Variants in MCM3AP observed in about 807,000 individuals in gnomAD.
MCM3AP encodes the protein germinal-center associated nuclear protein.
In MCM3AP, 126 loss-of-function variants were observed where a neutral mutation model predicts 184.1. The ratio of observed to expected loss-of-function variants is 0.68; its 90% CI spans 0.59 to 0.79. MCM3AP has a LOEUF of 0.79. Ranked by LOEUF, MCM3AP falls within the 30% of genes least tolerant of loss-of-function variation. The pLI, the probability that MCM3AP is intolerant of heterozygous loss-of-function variation, is 0.00. For missense variants in MCM3AP, 2,496 were observed against 2,479.2 expected, an observed-to-expected ratio of 1.01 and a Z score of -0.14; for synonymous variants, 1,002 against 979.3, an observed-to-expected ratio of 1.02 and a Z score of -0.43.
At chr21:46,270,179 A>C (rs17176380) in intron 9 of MCM3AP, 1 of 399,950 alleles carries the variant, frequency 2.5e-6, no homozygotes, top group African/African-American at 2.1e-5. Flanking sequence ...TATTTGAACC[A>C]TGGAACAGTA....
chr21:46,281,408 T>A (rs1343281416), intron 2 of MCM3AP, among the ~76,000 whole-genome samples: 2 of 152,202 alleles, frequency 1.3e-5, no homozygotes, highest in Non-Finnish European at 2.9e-5. Context: ...GGATATTCAG[T>A]TTTGTCTGTA....
At chr21:46,254,089 C>A in intron 19 of MCM3AP, 1 of 369,626 alleles carries the variant, frequency 2.7e-6, no homozygotes, top group Non-Finnish European at 5.0e-6. Context: ...GCCTCCCCAG[C>A]CATGCTTCCT....
In MCM3AP at chr21:46,277,562, C is replaced by T. The variant is rs751955240; in HGVS notation, c.1823G>A (p.Arg608His). The T allele has an allele frequency of 2.5e-6, 4 of 1,598,424 alleles. No homozygotes were observed. Among genetic ancestry groups the T allele is most frequent in the South Asian group, 2.2e-5 (2 of 89,122 alleles). Residue 608 changes from arginine to histidine, a missense_variant, in exon 5 of 28, where the codon CGC becomes CAC. This residue lies in a region of MCM3AP where 130 missense variants were observed against 199.8 expected (regional missense o/e 0.65). Transcript: ENST00000291688. ...TVAETSKEKY[R>H]LLDQRDRIMR... The stretch of plus-strand genomic sequence containing the variant: ...GATCCTGTCTCTCTGGTCAAGCAGG[C>T]GGTACTTCTCCTTGGATGTCTCAGC...
chr21:46,281,101 C>T (rs970280975), intron 2 of MCM3AP, among the ~76,000 whole-genome samples: 8 of 152,162 alleles, frequency 5.3e-5, no homozygotes, highest in East Asian at 1.9e-4. Context: ...CCACCGCGCC[C>T]GGCCCCTTTT....
intron 20 of MCM3AP, chr21:46,247,771 A>G (rs1361509703): frequency 1.3e-5 from 2 of 152,204 alleles, no homozygotes; most frequent in African/African-American, 2.4e-5. Flanking sequence ...GTGTTTGACC[A>G]TATTACTATA....
intron 17 of MCM3AP, 187 bp downstream of exon 17, chr21:46,256,602 G>T: frequency 1.5e-6 from 1 of 666,404 alleles, no homozygotes; most frequent in Non-Finnish European, 2.5e-6. Flanking sequence ...CAAGTCACAT[G>T]TCCACAACTG....
At chr21:46,265,888 C>T in intron 11 of MCM3AP, 37 bp downstream of exon 11, 1 of 1,510,806 alleles carries the variant, frequency 6.6e-7, no homozygotes, top group South Asian at 1.4e-5. Flanking sequence ...TGGGAAAATG[C>T]AGCTAGTCCC....
At position 46,266,055 on chromosome 21, in the gene MCM3AP, G is replaced by A. The variant is rs538751262; in HGVS notation, c.2901C>T (p.Asn967=). 12 of 1,612,100 alleles carry A rather than the reference G, an allele frequency of 7.4e-6. No individual in the cohort carries two copies. Among genetic ancestry groups the A allele is most frequent in the East Asian group, 2.2e-5 (1 of 44,874 alleles). The change falls in exon 11 of 28, where the codon AAC becomes AAT. Residue 967 remains asparagine (N), a synonymous_variant. Transcript: ENST00000291688. The part of the protein sequence containing the change: ...KLTVSVGEIV[N]GGPLPPVPRH... ...GAGGGACGGGGGGCAATGGCCCTCCGTTCACAATTTCCCCGACTGACACCG... is the reference window on the plus strand; with the variant it reads ...GAGGGACGGGGGGCAATGGCCCTCCATTCACAATTTCCCCGACTGACACCG...
chr21:46,258,819 TA>T, intron 16 of MCM3AP, 119 bp downstream of exon 16: 1 of 1,080,408 alleles, frequency 9.3e-7, no homozygotes, highest in Non-Finnish European at 1.4e-6. Context: ...TTCATTGCTA[TA>T]ACATTTTCCC....
intron 20 of MCM3AP, 65 bp from the exon 21 acceptor site, chr21:46,246,951 C>T (rs866248842): frequency 9.0e-6 from 14 of 1,551,824 alleles, no homozygotes; most frequent in African/African-American, 8.1e-5. Flanking sequence ...GACTGATCTG[C>T]CCCAGAGCAA....
In MCM3AP at chr21:46,254,522, C is replaced by T. The variant is rs562417353; in HGVS notation, c.4006G>A (p.Val1336Met). 30 of 1,614,044 alleles carry T rather than the reference C, an allele frequency of 1.9e-5. No individual in the cohort carries two copies. The Admixed American group carries it at 3.0e-4, about 16-fold the overall frequency. ...QHFYQQLLSD[V>M]AWASLDLPSL... ...GGCAGGTCCAGAGACGCCCATGCCA[C>T]ATCACTGGGAGGAACAGACCACCGT... Residue 1336 changes from valine to methionine, a missense_variant, in exon 19 of 28, where the codon GTG (valine) becomes ATG (methionine). By Grantham distance (21) the Val-to-Met change is conservative (BLOSUM62 1). Coordinates refer to ENST00000291688, the MANE Select transcript of MCM3AP (RefSeq NM_003906.5).
At chr21:46,274,598 G>A (rs1440441154) in intron 6 of MCM3AP, among the ~76,000 whole-genome samples, 1 of 152,096 alleles carries the variant, frequency 6.6e-6, no homozygotes, top group Admixed American at 6.6e-5. Flanking sequence ...AATCTCGAAT[G>A]TGTAAAACAT....
intron 7 of MCM3AP, 142 bp from the exon 8 acceptor site, chr21:46,272,971 T>G (rs951673609): frequency 2.6e-5 from 21 of 813,402 alleles, no homozygotes; most frequent in African/African-American, 2.3e-4. Flanking sequence ...GACTTTGTAG[T>G]GACTTAAATA....
Position 46,273,427 on chromosome 21 carries a change from C to T in MCM3AP, c.2157G>A (p.Trp719Ter), listed in dbSNP as rs559573064. 2 of 1,614,048 alleles carry T rather than the reference C, an allele frequency of 1.2e-6. No homozygotes were observed. Among genetic ancestry groups the T allele is most frequent in the African/African-American group, 1.3e-5 (1 of 75,076 alleles). ...MDQKEGSLRDWYDFVWNRTRG... is the reference protein window; with the variant it reads ...MDQKEGSLRD Reference sequence around the variant, plus strand: ...GCGTGCGGTTCCACACGAAGTCATACCAATCCCGCAGGCTGCCCTCCTTCT... The same window carrying T: ...GCGTGCGGTTCCACACGAAGTCATATCAATCCCGCAGGCTGCCCTCCTTCT... Residue 719 changes from tryptophan to a stop codon, truncating the protein, a stop_gained, in exon 7 of 28, where the codon TGG becomes TGA. Coordinates refer to ENST00000291688, the MANE Select transcript of MCM3AP (RefSeq NM_003906.5). LOFTEE classifies it high-confidence loss of function.
chr21:46,273,395 A>G lies in MCM3AP; in HGVS notation c.2189T>C (p.Ile730Thr), dbSNP rs2081210139. The change falls in exon 7 of 28, where the codon ATA becomes ACA. Residue 730 changes from isoleucine (I) to threonine (T), a missense_variant. Physicochemically the swap from Ile to Thr is moderately conservative, Grantham distance 89 (BLOSUM62 -1). Around this residue, in one of 5 missense-constraint regions of MCM3AP, gnomAD observed 130 missense variants for 199.8 expected, o/e 0.65. Transcript: ENST00000291688. The part of the protein sequence containing the change: ...YDFVWNRTRG[I>T]RKDITQQHLC... ...GTTGGAGGCAGCCAATACCTTCCGT[A>G]TGCCACGCGTGCGGTTCCACACGAA... The G allele has an allele frequency of 6.2e-7, 1 of 1,613,816 alleles. No individual in the cohort carries two copies. Among genetic ancestry groups the G allele is most frequent in the Non-Finnish European group, 8.5e-7 (1 of 1,179,832 alleles).
intron 19 of MCM3AP, chr21:46,252,821 G>A (rs1201685810): frequency 1.3e-5 from 2 of 151,922 alleles, no homozygotes; most frequent in Non-Finnish European, 2.9e-5. Flanking sequence ...TATGGTATGT[G>A]AATAACATTT....
At chr21:46,282,975 G>A (rs914168465) in intron 2 of MCM3AP, among the ~76,000 whole-genome samples, 4 of 151,440 alleles carry the variant, frequency 2.6e-5, no homozygotes, top group Non-Finnish European at 5.9e-5. Flanking sequence ...TCCCAGACTG[G>A]AGTGCAGTGG....
rs879776577 is a variant in MCM3AP at position 46,238,729 on chromosome 21, CATCCCAAACCACTTAAATTATAGAGACT to C, written c.5634-1778_5634-1751del. Reference sequence around the variant, plus strand: ...TCTAATAAAAAGGAAAAAAAAATCTCATCCCAAACCACTTAAATTATAGAGACTGATTTTAGTAATCGGACACATTCAT... The same window carrying C: ...TCTAATAAAAAGGAAAAAAAAATCTCGATTTTAGTAATCGGACACATTCAT... On this transcript the variant is annotated intron_variant, in intron 26 of 27. Transcript: ENST00000291688. Among the ~76,000 whole-genome samples the C allele has an allele frequency of 9.2e-4, 48 of 51,974 alleles. 17 individuals are homozygous for C. Among genetic ancestry groups the C allele is most frequent in the Admixed American group, 3.5e-3 (15 of 4,268 alleles). The allele number at this position is 51,974 out of a possible 152,430, so 34.1% of individuals were successfully genotyped here.
At chr21:46,277,814 G>A in intron 4 of MCM3AP, 97 bp from the exon 5 acceptor site, 1 of 683,152 alleles carries the variant, frequency 1.5e-6, no homozygotes, top group Non-Finnish European at 2.3e-6. Context: ...AAGATTTTCT[G>A]GTCCTCTAAA....
Sources: allele counts gnomAD v4.1 joint callset (sites outside exome capture counted in the v4.1 genomes callset), GRCh38; gene constraint gnomAD v4.1.1; regional missense constraint gnomAD v4.1.1; transcripts MANE v1.5; gene names NCBI Gene and HGNC (gene_info 2026-07-23, HGNC 2026-07-21).